MACROD1: variants seen among roughly 807,000 people sequenced by gnomAD.
The protein encoded by MACROD1 is ADP-ribose glycohydrolase MACROD1.
Under a neutral mutation model 41.4 loss-of-function variants are expected in MACROD1, and 31 were observed. The ratio of observed to expected loss-of-function variants is 0.75; its 90% CI spans 0.56 to 1.01. MACROD1 has a LOEUF of 1.01. Among genes scored for constraint, MACROD1 ranks in the 50% least tolerant of loss-of-function variants. The pLI, the probability that MACROD1 is intolerant of heterozygous loss-of-function variation, is 0.00. For synonymous variants in MACROD1, 252 were observed against 203.4 expected, an observed-to-expected ratio of 1.24 and a Z score of -2.03; for missense variants, 473 against 460.0, an observed-to-expected ratio of 1.03 and a Z score of -0.26.
At chr11:64,053,854 G>A (rs549358702) in intron 3 of MACROD1, among the ~76,000 whole-genome samples, 23 of 152,292 alleles carry the variant, frequency 1.5e-4, no homozygotes, top group African/African-American at 5.3e-4. Flanking sequence ...TCACATGGGA[G>A]TTAGGGGCAG....
chr11:64,062,950 C>T (rs1170866667), intron 3 of MACROD1, among the ~76,000 whole-genome samples: 1 of 152,230 alleles, frequency 6.6e-6, no homozygotes, highest in Non-Finnish European at 1.5e-5. Context: ...CGTGCTCCAG[C>T]ATGGCCTGGG....
chr11:64,078,558 G>T (rs939970798), intron 3 of MACROD1, among the ~76,000 whole-genome samples: 6 of 152,252 alleles, frequency 3.9e-5, no homozygotes, highest in Admixed American at 2.6e-4. Context: ...GGGCAGTGGT[G>T]TGAGCGCGGC....
chr11:64,048,640 T>C (rs1943631500), intron 3 of MACROD1, among the ~76,000 whole-genome samples: 1 of 152,206 alleles, frequency 6.6e-6, no homozygotes, highest in African/African-American at 2.4e-5. Flanking sequence ...CTAAGCACTT[T>C]ATGCGTCATC....
intron 3 of MACROD1, among the ~76,000 whole-genome samples, chr11:64,028,527 TGGTATGCGAGGCCC>T (rs551753295): frequency 5.3e-4 from 80 of 152,278 alleles, no homozygotes; most frequent in African/African-American, 1.7e-3. Context: ...TGGCAGCCAT[TGGTATGCGAGGCCC>T]GGCCTCAGCC....
At chr11:64,140,047 T>C (rs1362824839) in intron 3 of MACROD1, among the ~76,000 whole-genome samples, 1 of 151,590 alleles carries the variant, frequency 6.6e-6, no homozygotes, top group Non-Finnish European at 1.5e-5. Flanking sequence ...GCCACTGCCC[T>C]GGCCTCTGGG....
rs751035238 is a variant in MACROD1, at chr11:63,998,873, C to T, written c.974-1G>A. The T allele has an allele frequency of 1.3e-6, 2 of 1,594,710 alleles. No individual in the cohort carries two copies. Among genetic ancestry groups the T allele is most frequent in the South Asian group, 2.2e-5 (2 of 88,942 alleles). On this transcript the variant is annotated splice_acceptor_variant, in intron 9 of 10. Transcript: ENST00000255681. LOFTEE classifies it high-confidence loss of function. ...CAGGGTGGGCTGCGGGAGCCTCAGG[C>T]TGGAAGGCAGAGGACAGTGAGAGCC...
chr11:64,062,154 C>T (rs1943917976), intron 3 of MACROD1, among the ~76,000 whole-genome samples: 1 of 152,070 alleles, frequency 6.6e-6, no homozygotes, highest in Non-Finnish European at 1.5e-5. Flanking sequence ...TTTCCCCAGA[C>T]AGGGATTCCT....
intron 3 of MACROD1, among the ~76,000 whole-genome samples, chr11:64,081,229 C>T (rs575347847): frequency 1.5e-4 from 23 of 152,312 alleles, no homozygotes; most frequent in Non-Finnish European, 2.5e-4. Flanking sequence ...ACCATATTGG[C>T]CAGGCTGGTC....
intron 3 of MACROD1, among the ~76,000 whole-genome samples, chr11:64,022,791 G>A (rs570784014): frequency 2.0e-5 from 3 of 152,226 alleles, no homozygotes; most frequent in South Asian, 4.1e-4. Context: ...GGGAGCCAGG[G>A]GAGCAGGGGC....
At chr11:64,028,978 A>G (rs1728966779) in intron 3 of MACROD1, among the ~76,000 whole-genome samples, 1 of 152,122 alleles carries the variant, frequency 6.6e-6, no homozygotes, top group African/African-American at 2.4e-5. Context: ...CCGCAACCCC[A>G]GCTCTGCAGC....
intron 3 of MACROD1, among the ~76,000 whole-genome samples, chr11:64,069,944 G>T (rs373483858): frequency 6.6e-4 from 100 of 152,120 alleles, no homozygotes; most frequent in African/African-American, 2.1e-3. Context: ...AGCCCGACTC[G>T]CGCCCAGTGG....
chr11:64,062,295 C>CAGTG (rs992229717), intron 3 of MACROD1, among the ~76,000 whole-genome samples: 24 of 152,246 alleles, frequency 1.6e-4, no homozygotes, highest in African/African-American at 4.3e-4. Flanking sequence ...ATGCATCTAT[C>CAGTG]AGTGAGTGAG....
At chr11:64,114,797 G>C (rs1192857283) in intron 3 of MACROD1, among the ~76,000 whole-genome samples, 1 of 152,196 alleles carries the variant, frequency 6.6e-6, no homozygotes, top group Non-Finnish European at 1.5e-5. Context: ...ATGGATGGTA[G>C]GTGGGTGGAC....
At chr11:64,023,702 C>T (rs1042683712) in intron 3 of MACROD1, among the ~76,000 whole-genome samples, 4 of 152,114 alleles carry the variant, frequency 2.6e-5, no homozygotes, top group East Asian at 1.9e-4. Flanking sequence ...CATTCCAGGC[C>T]CTCCTTTCCC....
rs1052005703 is a variant in MACROD1 at position 64,068,376 on chromosome 11, C to G, written c.518-53095G>C. ...CCTGGCAGGCTCAGGCCCAGCTGCC[C>G]GCATGCCCTAGTAGCTGTAAAATGG... On this transcript the variant is annotated intron_variant, in intron 3 of 10. Coordinates refer to ENST00000255681, the MANE Select transcript of MACROD1 (RefSeq NM_014067.4). Among the ~76,000 whole-genome samples the G allele has an allele frequency of 3.3e-5, 5 of 152,332 alleles. No individual in the cohort carries two copies. The East Asian group carries it at 9.6e-4, about 29-fold the overall frequency.
chr11:64,007,188 C>G (rs554210166), intron 4 of MACROD1, among the ~76,000 whole-genome samples: 1 of 152,220 alleles, frequency 6.6e-6, no homozygotes, highest in South Asian at 2.1e-4. Context: ...AAAATGCGTA[C>G]GAGGGCTCGG....
chr11:64,060,209 G>A (rs1057505204), intron 3 of MACROD1, among the ~76,000 whole-genome samples: 1 of 152,264 alleles, frequency 6.6e-6, no homozygotes, highest in African/African-American at 2.4e-5. Context: ...GAGAGGCCAG[G>A]CCCACATTTC....
At chr11:64,020,405 A>G (rs1943137446) in intron 3 of MACROD1, among the ~76,000 whole-genome samples, 1 of 152,060 alleles carries the variant, frequency 6.6e-6, no homozygotes, top group Non-Finnish European at 1.5e-5. Flanking sequence ...CCCTCCCAGT[A>G]GGGAACCCTG....
chr11:64,076,877 C>T (rs1394001529), intron 3 of MACROD1, among the ~76,000 whole-genome samples: 1 of 152,230 alleles, frequency 6.6e-6, no homozygotes, highest in Non-Finnish European at 1.5e-5. Context: ...CCTTCCCAAG[C>T]TGCCACACTT....
Sources: allele counts gnomAD v4.1 joint callset (sites outside exome capture counted in the v4.1 genomes callset), GRCh38; gene constraint gnomAD v4.1.1; transcripts MANE v1.5; gene names NCBI Gene and HGNC (gene_info 2026-07-23, HGNC 2026-07-21).